BAHCC1: variants seen among roughly 807,000 people sequenced by gnomAD.
BAHCC1 encodes the protein BAH domain and coiled-coil containing 1, also known as BAH and coiled-coil domain-containing protein 1.
A neutral mutation model predicts 88.2 loss-of-function variants in BAHCC1; 43 were observed. That is an observed-to-expected ratio of 0.49 (90% CI 0.38 to 0.63). BAHCC1 has a LOEUF of 0.63. Ranked by LOEUF, BAHCC1 falls within the 20% of genes least tolerant of loss-of-function variation. The probability of loss-of-function intolerance (pLI) is 0.00; values close to 1 mark genes in which losing one functional copy is unlikely to be tolerated. For missense variants in BAHCC1, 3,023 were observed against 1,654.8 expected, an observed-to-expected ratio of 1.83 and a Z score of -14.34; for synonymous variants, 1,510 against 745.5, an observed-to-expected ratio of 2.03 and a Z score of -16.71.
intron 14 of BAHCC1, among the ~76,000 whole-genome samples, chr17:81,454,813 A>C (rs1392318110): frequency 6.6e-6 from 1 of 151,848 alleles, no homozygotes; most frequent in Non-Finnish European, 1.5e-5. Context: ...CTCAGGCCCC[A>C]GTAGCAGCAG....
intron 2 of BAHCC1, among the ~76,000 whole-genome samples, chr17:81,400,551 C>T (rs1265687779): frequency 6.6e-6 from 1 of 152,212 alleles, no homozygotes; most frequent in Non-Finnish European, 1.5e-5. Context: ...GGCCCAGCCT[C>T]TCAGCCTGCG....
At chr17:81,430,773 C>T (rs980725675) in intron 3 of BAHCC1, among the ~76,000 whole-genome samples, 4 of 152,244 alleles carry the variant, frequency 2.6e-5, no homozygotes, top group Admixed American at 6.5e-5. Context: ...CTTCCTCTCC[C>T]GGCCTCGGTT....
In BAHCC1 at chr17:81,463,611, A is replaced by G. The variant is rs2030494138; in HGVS notation, c.7621A>G (p.Asn2541Asp). 2.6e-6 allele frequency: 2 copies of G among 779,414 alleles called. No homozygotes were observed. The highest frequency in any genetic ancestry group is 4.8e-6 in the Non-Finnish European group (2 of 417,866). 48.3% of individuals were successfully genotyped at this position (779,414 alleles called of 1,614,324 possible). The change falls in exon 28 of 28, where the codon AAT becomes GAT. Residue 2541 changes from asparagine (N) to aspartate (D), a missense_variant and splice_region_variant. Asn to Asp is a conservative substitution (Grantham distance 23). Coordinates refer to ENST00000675386, the MANE Select transcript of BAHCC1 (RefSeq NM_001377448.1). The part of the protein sequence containing the change: ...KLGKRQCDGK[N>D]ALYQSCHEDE... ...GATGCCCCGCGCGCCTTGCCCCCAG[A>G]ATGCGCTGTACCAGTCCTGCCACGA...
chr17:81,458,282 G>A lies in BAHCC1; in HGVS notation c.5159G>A (p.Gly1720Asp). 1 of 749,350 alleles carries A rather than the reference G, an allele frequency of 1.3e-6. No individual in the cohort carries two copies. Among genetic ancestry groups the A allele is most frequent in the Non-Finnish European group, 2.5e-6 (1 of 403,874 alleles). 46.4% of individuals were successfully genotyped at this position (749,350 alleles called of 1,614,324 possible). Residue 1720 changes from glycine (G) to aspartate (D), a missense_variant, in exon 18 of 28, where the codon GGC becomes GAC. Physicochemically the swap from Gly to Asp is moderately conservative, Grantham distance 94. Transcript: ENST00000675386. ...GGGCAGAGGCCCCCAGGTGCGCTGGGCAAGAAGAAAGCCAAGGGCAAGGCC... is the reference window on the plus strand; with the variant it reads ...GGGCAGAGGCCCCCAGGTGCGCTGGACAAGAAGAAAGCCAAGGGCAAGGCC... ...APGQRPPGAL[G>D]KKKAKGKAKG...
At chr17:81,407,487 C>T in intron 2 of BAHCC1, 1 of 483,370 alleles carries the variant, frequency 2.1e-6, no homozygotes, top group Admixed American at 2.1e-5. Context: ...TAACACATGG[C>T]ATGGGTGAGA....
chr17:81,445,736 C>A, intron 10 of BAHCC1, 55 bp downstream of exon 10: 1 of 697,810 alleles, frequency 1.4e-6, no homozygotes, highest in East Asian at 2.7e-5. Context: ...CCCTCCCACC[C>A]CTGCCCGGCA....
intron 2 of BAHCC1, among the ~76,000 whole-genome samples, chr17:81,426,429 TGGGTGATGTGGTTGG>T (rs1385697303): frequency 1.6e-5 from 2 of 126,882 alleles, no homozygotes; most frequent in East Asian, 4.6e-4. Context: ...GTGATAGTGG[TGGGTGATGTGGTTGG>T]GGGTGATGTG....
rs113455456 is a variant in BAHCC1 at position 81,416,007 on chromosome 17, CGT to C, written c.179-10782_179-10781del. ...GTGTCCATGAGGATGGGTGTATGCG[CGT>C]GTGTGTGTGTCCATGAGGATGGGTG... On this transcript the variant is annotated intron_variant, in intron 2 of 27. Transcript: ENST00000675386. Among the ~76,000 whole-genome samples, 973 of 145,296 alleles carry C rather than the reference CGT, an allele frequency of 6.7e-3. 6 individuals are homozygous for C. Among genetic ancestry groups the C allele is most frequent in the African/African-American group, 0.01 (410 of 39,348 alleles).
chr17:81,444,431 G>T lies in BAHCC1; in HGVS notation c.2375G>T (p.Cys792Phe). Reference sequence around the variant, plus strand: ...GCCCGGATCCACCCACCGAGCAGCTGCCCTGGGGACCTGGCCCCCCACCTC... The same window carrying T: ...GCCCGGATCCACCCACCGAGCAGCTTCCCTGGGGACCTGGCCCCCCACCTC... ...EFARIHPPSS[C>F]PGDLAPHLMM... The change falls in exon 7 of 28, where the codon TGC becomes TTC. Residue 792 changes from cysteine to phenylalanine, a missense_variant. Cys to Phe is a radical substitution (Grantham distance 205). Transcript: ENST00000675386. 1.3e-6 allele frequency: 1 copy of T among 748,004 alleles called. No homozygotes were observed. The allele number at this position is 748,004 out of a possible 1,614,324, so 46.3% of individuals were successfully genotyped here.
At chr17:81,409,762 C>T (rs561445217) in intron 2 of BAHCC1, among the ~76,000 whole-genome samples, 9 of 152,348 alleles carry the variant, frequency 5.9e-5, no homozygotes, top group South Asian at 2.1e-4. Flanking sequence ...ACGTCTCCAT[C>T]CACAGGCCGG....
In BAHCC1 at chr17:81,460,538, C is replaced by T. The variant is rs1415817596; in HGVS notation, c.6034C>T (p.Pro2012Ser). 7 of 749,360 alleles carry T rather than the reference C, an allele frequency of 9.3e-6. No homozygotes were observed. Among genetic ancestry groups the T allele is most frequent in the African/African-American group, 3.4e-5 (2 of 58,206 alleles). 46.4% of individuals were successfully genotyped at this position (749,360 alleles called of 1,614,324 possible). The change falls in exon 25 of 28, where the codon CCC becomes TCC. Residue 2012 changes from proline (P) to serine (S), a missense_variant. Pro to Ser is a moderately conservative substitution (Grantham distance 74, BLOSUM62 -1). Transcript: ENST00000675386. Reference protein sequence around the residue: ...PPDFKIQCTEPSPALLVSSSC... With the variant: ...PPDFKIQCTESSPALLVSSSC... ...GCCCATGCTATCCACAGGCACAGAGCCCTCTCCAGCCCTGCTAGTGTCTAG... is the reference window on the plus strand; with the variant it reads ...GCCCATGCTATCCACAGGCACAGAGTCCTCTCCAGCCCTGCTAGTGTCTAG...
chr17:81,431,909 G>A (rs2064265187), intron 3 of BAHCC1, among the ~76,000 whole-genome samples: 1 of 152,178 alleles, frequency 6.6e-6, no homozygotes, highest in Non-Finnish European at 1.5e-5. Flanking sequence ...TGGGACCCAG[G>A]AGGCTGCACC....
rs572061285 is a variant in BAHCC1, at chr17:81,465,664, C to T, written c.*1847C>T. 2.4e-4 allele frequency: 36 copies of T among 152,444 alleles called. No homozygotes were observed. The East Asian group carries it at 6.7e-3, about 29-fold the overall frequency. 9.4% of individuals were successfully genotyped at this position (152,444 alleles called of 1,614,324 possible). A position where few individuals can be genotyped will look rare whatever the true frequency, so the allele number is the denominator to read the frequency against. The stretch of plus-strand genomic sequence containing the variant: ...GCCCTGTACCCCAATCCCAGGTCCC[C>T]TTGGCCCCCTATTTTTCTCGGGCCC... On this transcript the variant is annotated 3_prime_UTR_variant, in exon 28 of 28. Coordinates refer to ENST00000675386, the MANE Select transcript of BAHCC1 (RefSeq NM_001377448.1).
At position 81,463,869 on chromosome 17, in the gene BAHCC1, C is replaced by G. The variant is rs1598521193; in HGVS notation, c.*52C>G. The G allele has an allele frequency of 1.3e-5, 9 of 693,498 alleles. No individual in the cohort carries two copies. The South Asian group carries it at 1.3e-4, about 10-fold the overall frequency. The allele number at this position is 693,498 out of a possible 1,614,324, so 43.0% of individuals were successfully genotyped here. On this transcript the variant is annotated 3_prime_UTR_variant, in exon 28 of 28. Transcript: ENST00000675386. ...TGCGCCAGGGACCCTGTGTGCGGAG[C>G]CTGGCGTCGGCCAAGCCACCGGGCA...
At chr17:81,438,921 A>T (rs1555652129) in intron 4 of BAHCC1, among the ~76,000 whole-genome samples, 1 of 151,816 alleles carries the variant, frequency 6.6e-6, no homozygotes, top group Non-Finnish European at 1.5e-5. Context: ...TGGCTTACAC[A>T]CCCGGTGGCC....
intron 2 of BAHCC1, chr17:81,415,611 C>T (rs11655888): frequency 0.14 from 69,223 of 501,984 alleles, 6,117 homozygotes; most frequent in Non-Finnish European, 0.18. Context: ...GAGCCAACCT[C>T]GTTTTGGGAG....
rs1167203670 is a variant in BAHCC1 at position 81,443,111 on chromosome 17, G to A, written c.1762G>A (p.Ala588Thr). The A allele has an allele frequency of 1.3e-6, 1 of 777,730 alleles. No homozygotes were observed. The highest frequency in any genetic ancestry group is 1.7e-5 in the African/African-American group (1 of 59,248). 48.2% of individuals were successfully genotyped at this position (777,730 alleles called of 1,614,324 possible). ...CCACCTGCCCCCATGGGGTGTCCAGGCAGGCCAGGGCACCGCCATGGCCAT... is the reference window on the plus strand; with the variant it reads ...CCACCTGCCCCCATGGGGTGTCCAGACAGGCCAGGGCACCGCCATGGCCAT... ...GPHLPPWGVQ[A>T]GQGTAMAISE... The change falls in exon 5 of 28, where the codon GCA becomes ACA. Residue 588 changes from alanine (A) to threonine (T), a missense_variant. Physicochemically the swap from Ala to Thr is moderately conservative, Grantham distance 58. Coordinates refer to ENST00000675386, the MANE Select transcript of BAHCC1 (RefSeq NM_001377448.1).
chr17:81,421,481 A>G (rs1193411536), intron 2 of BAHCC1, among the ~76,000 whole-genome samples: 2 of 152,152 alleles, frequency 1.3e-5, no homozygotes, highest in African/African-American at 2.4e-5. Context: ...TCGGGAGCTG[A>G]GTGGGATAGG....
At chr17:81,431,129 G>A (rs1481113865) in intron 3 of BAHCC1, among the ~76,000 whole-genome samples, 9 of 152,024 alleles carry the variant, frequency 5.9e-5, no homozygotes, top group Non-Finnish European at 1.0e-4. Flanking sequence ...GCTACCTCCC[G>A]CCAGCTTCTC....
Sources: allele counts gnomAD v4.1 joint callset (sites outside exome capture counted in the v4.1 genomes callset), GRCh38; gene constraint gnomAD v4.1.1; transcripts MANE v1.5; gene names NCBI Gene and HGNC (gene_info 2026-07-23, HGNC 2026-07-21).